The following FMNL2 variants were observed in gnomAD, a reference collection of about 807,000 sequenced individuals.
The protein encoded by FMNL2 is formin like 2.
FMNL2 carries 51 observed loss-of-function variants against 130.2 expected under a neutral mutation model. The ratio of observed to expected loss-of-function variants is 0.39; its 90% confidence interval spans 0.31 to 0.49. FMNL2 has a LOEUF of 0.49. FMNL2 is among the 20% of genes least tolerant of loss of function. FMNL2 has a pLI of 0.85. For missense variants in FMNL2, 977 were observed against 1,316.2 expected (o/e 0.74, Z 3.99); for synonymous variants, 465 against 467.1 (o/e 1.00, Z 0.06).
Position 152,607,421 on chromosome 2 carries a change from A to G in FMNL2, c.951+8A>G. 1 of 1,607,130 alleles carries G rather than the reference A, an allele frequency of 6.2e-7. No homozygotes were observed. Among genetic ancestry groups the G allele is most frequent in the African/African-American group, 1.3e-5 (1 of 74,824 alleles). ...AATAACATAGATTTTATGGTGAGTTATTTCAGTATTCAATAAAGCAAACTC... is the reference window on the plus strand; with the variant it reads ...AATAACATAGATTTTATGGTGAGTTGTTTCAGTATTCAATAAAGCAAACTC... On this transcript the variant is annotated splice_region_variant and intron_variant, in intron 10 of 25. Coordinates refer to ENST00000288670, the MANE Select transcript of FMNL2 (RefSeq NM_052905.4).
chr2:152,493,429 G>A (rs553680162), intron 1 of FMNL2, among the ~76,000 whole-genome samples: 1 of 152,342 alleles, frequency 6.6e-6, no homozygotes, highest in Non-Finnish European at 1.5e-5. Context: ...TCAAGGTGCT[G>A]TTAATATGAG....
intron 6 of FMNL2, among the ~76,000 whole-genome samples, chr2:152,566,432 A>G (rs1249011315): frequency 6.6e-6 from 1 of 152,134 alleles, no homozygotes; most frequent in South Asian, 2.1e-4. Flanking sequence ...ACTGTGAGGA[A>G]ACTGGGGCCT....
chr2:152,575,589 G>A (rs936572638), intron 7 of FMNL2, among the ~76,000 whole-genome samples: 1 of 152,050 alleles, frequency 6.6e-6, no homozygotes, highest in Admixed American at 6.5e-5. Flanking sequence ...TTAATTCTTT[G>A]CTCTCATATT....
intron 1 of FMNL2, among the ~76,000 whole-genome samples, chr2:152,358,764 C>T (rs1682991661): frequency 6.6e-6 from 1 of 152,094 alleles, no homozygotes; most frequent in Non-Finnish European, 1.5e-5. Flanking sequence ...TATCTCTTGT[C>T]ATATTGATGG....
At chr2:152,590,980 C>G (rs1401065204) in intron 9 of FMNL2, among the ~76,000 whole-genome samples, 1 of 65,744 alleles carries the variant, frequency 1.5e-5, no homozygotes, top group Non-Finnish European at 2.6e-5. Context: ...CCTCTGATAA[C>G]TTTTTTTTTT....
intron 15 of FMNL2, among the ~76,000 whole-genome samples, chr2:152,622,825 T>TTTC (rs201940327): frequency 6.6e-6 from 1 of 151,160 alleles, no homozygotes; most frequent in Non-Finnish European, 1.5e-5. Flanking sequence ...TTTTTTTTTT[T>TTTC]TTCTTCTTCT....
At chr2:152,522,731 C>T (rs975356772) in intron 2 of FMNL2, among the ~76,000 whole-genome samples, 3 of 152,226 alleles carry the variant, frequency 2.0e-5, no homozygotes, top group Non-Finnish European at 4.4e-5. Context: ...CCACATGGAA[C>T]TGTGAGTTCT....
chr2:152,517,165 T>A (rs545227048), intron 1 of FMNL2, among the ~76,000 whole-genome samples: 35 of 140,742 alleles, frequency 2.5e-4, no homozygotes, highest in Non-Finnish European at 5.2e-4. Context: ...GAATTGAAGA[T>A]TTTTTTCCCC....
intron 1 of FMNL2, among the ~76,000 whole-genome samples, chr2:152,454,944 G>A (rs546369614): frequency 6.6e-6 from 1 of 152,250 alleles, no homozygotes; most frequent in East Asian, 1.9e-4. Flanking sequence ...GCTGCGTCAG[G>A]GTGGGAAAAG....
chr2:152,588,392 G>A (rs1420229501), intron 9 of FMNL2, among the ~76,000 whole-genome samples: 1 of 152,084 alleles, frequency 6.6e-6, no homozygotes, highest in Non-Finnish European at 1.5e-5. Context: ...ATGACATTGG[G>A]CCCATCCATA....
chr2:152,574,657 CTCTT>C (rs1181896407), intron 6 of FMNL2, among the ~76,000 whole-genome samples: 1 of 152,106 alleles, frequency 6.6e-6, no homozygotes, highest in Non-Finnish European at 1.5e-5. Flanking sequence ...ATTCAAATTA[CTCTT>C]TCTTTTTAAA....
intron 25 of FMNL2, among the ~76,000 whole-genome samples, chr2:152,646,558 A>C (rs971704378): frequency 2.0e-5 from 3 of 150,864 alleles, no homozygotes; most frequent in African/African-American, 7.4e-5. Flanking sequence ...TTACCAATTT[A>C]AACACCAGGA....
At position 152,415,189 on chromosome 2, in the gene FMNL2, C is replaced by A. The variant is rs551994397; in HGVS notation, c.117+79469C>A. Among the ~76,000 whole-genome samples, 333 of 150,808 alleles carry A rather than the reference C, an allele frequency of 2.2e-3. 3 individuals are homozygous for A. Among genetic ancestry groups the A allele is most frequent in the African/African-American group, 7.7e-3 (311 of 40,402 alleles). On this transcript the variant is annotated intron_variant, in intron 1 of 25. Coordinates refer to ENST00000288670, the MANE Select transcript of FMNL2 (RefSeq NM_052905.4). ...ACATTAAAAAAAAAAAACAAAAAAACCCCAGGGATTGATCATGTTAATGTG... is the reference window on the plus strand; with the variant it reads ...ACATTAAAAAAAAAAAACAAAAAAAACCCAGGGATTGATCATGTTAATGTG...
At chr2:152,461,002 G>T (rs967235001) in intron 1 of FMNL2, among the ~76,000 whole-genome samples, 1 of 152,106 alleles carries the variant, frequency 6.6e-6, no homozygotes, top group South Asian at 2.1e-4. Flanking sequence ...CCACTACCTG[G>T]TCCATGGAAA....
At position 152,335,552 on chromosome 2, in the gene FMNL2, G is replaced by T. The variant is rs1020598621; in HGVS notation, c.-52G>T. 1.9e-5 allele frequency: 29 copies of T among 1,487,722 alleles called. No homozygotes were observed. Among genetic ancestry groups the T allele is most frequent in the Admixed American group, 3.8e-5 (2 of 52,030 alleles). The allele number at this position is 1,487,722 out of a possible 1,614,324, so 92.2% of individuals were successfully genotyped here. ...ACCGCCGGGAGCTGTTCTGATTTCC[G>T]ACGCGCACGCTAGGGGCCCGGAGCA... On this transcript the variant is annotated 5_prime_UTR_variant, in exon 1 of 26. Transcript: ENST00000288670.
chr2:152,504,266 T>C (rs1184791826), intron 1 of FMNL2, among the ~76,000 whole-genome samples: 3 of 151,246 alleles, frequency 2.0e-5, no homozygotes, highest in African/African-American at 7.3e-5. Flanking sequence ...GGCTTTTTTT[T>C]TTTTCTTTTC....
At chr2:152,390,106 A>G (rs556001988) in intron 1 of FMNL2, 18 of 1,407,674 alleles carry the variant, frequency 1.3e-5, no homozygotes, top group Admixed American at 1.7e-5. Context: ...GAGGAGGACA[A>G]AGGAAAACTG....
chr2:152,558,857 T>G lies in FMNL2; in HGVS notation c.443+34T>G, dbSNP rs757784058. 3.8e-6 allele frequency: 6 copies of G among 1,589,114 alleles called. No individual in the cohort carries two copies. In the East Asian group the frequency reaches 1.3e-4, roughly 36 times the overall value. On this transcript the variant is annotated intron_variant, in intron 5 of 25. Transcript: ENST00000288670. The stretch of plus-strand genomic sequence containing the variant: ...AACTTGGCTTGCTTGCATTTGAATT[T>G]TATGTGGTCACAGCAGATGCTACTC...
chr2:152,343,508 C>T (rs1681933806), intron 1 of FMNL2, among the ~76,000 whole-genome samples: 1 of 152,140 alleles, frequency 6.6e-6, no homozygotes, highest in South Asian at 2.1e-4. Context: ...ATTGGCCAGG[C>T]TGGTCTTGAA....
Sources: gnomAD v4.1 joint callset for allele counts (sites outside exome capture counted in the v4.1 genomes callset) on GRCh38, gnomAD v4.1.1 for gene constraint, MANE v1.5 for transcripts, NCBI Gene and HGNC (gene_info 2026-07-23, HGNC 2026-07-21) for gene names.